The following PCDHA11 variants were observed in gnomAD, a reference collection of about 807,000 sequenced individuals.
The protein encoded by PCDHA11 is protocadherin alpha 11, also known as protocadherin alpha-11.
In PCDHA11, 61 loss-of-function variants were observed where a neutral mutation model predicts 70.3. That is an observed-to-expected ratio of 0.87 (90% CI 0.71 to 1.07). PCDHA11 has a LOEUF of 1.07. PCDHA11 is among the 50% of genes least tolerant of loss of function. The pLI is 0.00. For missense variants in PCDHA11, 1,324 were observed against 1,237.5 expected (o/e 1.07, Z -1.05); for synonymous variants, 633 against 555.1 (o/e 1.14, Z -1.97).
intron 3 of PCDHA11, among the ~76,000 whole-genome samples, chr5:141,004,872 C>T (rs1242067093): frequency 6.6e-6 from 1 of 152,042 alleles, no homozygotes; most frequent in Non-Finnish European, 1.5e-5. Context: ...GTTTCTCATC[C>T]CTAAAGTGCT....
intron 1 of PCDHA11, chr5:140,882,849 T>A: frequency 1.2e-6 from 2 of 1,614,242 alleles, no homozygotes; most frequent in Non-Finnish European, 1.7e-6. Flanking sequence ...TCATTATCAC[T>A]TGTACTGAGG....
intron 1 of PCDHA11, among the ~76,000 whole-genome samples, chr5:140,971,015 G>C (rs1425390222): frequency 6.6e-6 from 1 of 152,228 alleles, no homozygotes; most frequent in Non-Finnish European, 1.5e-5. Flanking sequence ...GAAGTCTTTA[G>C]ATCGTAGCAT....
At chr5:140,961,193 G>C (rs1297758288) in intron 1 of PCDHA11, among the ~76,000 whole-genome samples, 1 of 152,124 alleles carries the variant, frequency 6.6e-6, no homozygotes, top group Non-Finnish European at 1.5e-5. Context: ...CAGGACCCTA[G>C]TGAGGTTGGT....
chr5:140,967,520 G>A, intron 1 of PCDHA11: 1 of 1,612,918 alleles, frequency 6.2e-7, no homozygotes, highest in East Asian at 2.2e-5. Context: ...GGACACTAAC[G>A]ACAACTCTCC....
At chr5:140,988,267 C>T (rs1204961254) in intron 3 of PCDHA11, among the ~76,000 whole-genome samples, 1 of 152,146 alleles carries the variant, frequency 6.6e-6, no homozygotes, top group Non-Finnish European at 1.5e-5. Flanking sequence ...GAGTATCCTT[C>T]GCTGTCACCT....
At chr5:140,873,791 G>A (rs1330097708) in intron 1 of PCDHA11, among the ~76,000 whole-genome samples, 1 of 152,152 alleles carries the variant, frequency 6.6e-6, no homozygotes, top group Non-Finnish European at 1.5e-5. Flanking sequence ...TTTCCGAGAA[G>A]CTGGGACTAC....
At chr5:140,921,366 A>C (rs1415562044) in intron 1 of PCDHA11, among the ~76,000 whole-genome samples, 1 of 152,140 alleles carries the variant, frequency 6.6e-6, no homozygotes, top group African/African-American at 2.4e-5. Flanking sequence ...TTCAAGTTTC[A>C]TATTTCTACA....
chr5:140,992,576 G>T (rs992150186), intron 3 of PCDHA11, among the ~76,000 whole-genome samples: 4 of 152,172 alleles, frequency 2.6e-5, no homozygotes, highest in Admixed American at 2.0e-4. Flanking sequence ...CATATTGCCT[G>T]CCTTGTATGC....
At chr5:140,928,506 A>G (rs1554205940) in intron 1 of PCDHA11, 4 of 1,614,090 alleles carry the variant, frequency 2.5e-6, no homozygotes, top group African/African-American at 1.3e-5. Context: ...GAAGTGCAAC[A>G]GTGACTATAA....
At chr5:141,002,333 G>A (rs782123745) in intron 3 of PCDHA11, among the ~76,000 whole-genome samples, 15 of 152,314 alleles carry the variant, frequency 9.8e-5, no homozygotes, top group Non-Finnish European at 1.8e-4. Flanking sequence ...GGCTGCATCC[G>A]CACCCCTTCC....
chr5:140,944,334 C>T (rs547924304), intron 1 of PCDHA11, among the ~76,000 whole-genome samples: 131 of 152,138 alleles, frequency 8.6e-4, no homozygotes, highest in African/African-American at 3.0e-3. Flanking sequence ...ATTACAAGCA[C>T]GTGCCACCAC....
chr5:140,889,067 C>T (rs1169049844), intron 1 of PCDHA11, among the ~76,000 whole-genome samples: 1 of 151,942 alleles, frequency 6.6e-6, no homozygotes, highest in Admixed American at 6.6e-5. Flanking sequence ...TAATATACTA[C>T]TTATTTTGTT....
At chr5:140,950,882 G>C (rs1182849126) in intron 1 of PCDHA11, among the ~76,000 whole-genome samples, 1 of 151,764 alleles carries the variant, frequency 6.6e-6, no homozygotes, top group Non-Finnish European at 1.5e-5. Flanking sequence ...TTGTTCAATA[G>C]GTCTCTGAGA....
intron 1 of PCDHA11, among the ~76,000 whole-genome samples, chr5:140,946,338 A>T (rs1042874038): frequency 6.6e-6 from 1 of 151,824 alleles, no homozygotes; most frequent in Non-Finnish European, 1.5e-5. Flanking sequence ...ATAACAAGTG[A>T]TGGAGAGGAT....
At chr5:140,933,630 C>T (rs2089281438) in intron 1 of PCDHA11, among the ~76,000 whole-genome samples, 1 of 151,952 alleles carries the variant, frequency 6.6e-6, no homozygotes, top group Admixed American at 6.6e-5. Flanking sequence ...TAGGCTGGCC[C>T]TGTTAAACAA....
chr5:141,002,335 ACC>A (rs1554258611), intron 3 of PCDHA11, among the ~76,000 whole-genome samples: 81 of 152,230 alleles, frequency 5.3e-4, no homozygotes, highest in African/African-American at 2.0e-3. Flanking sequence ...CTGCATCCGC[ACC>A]CCTTCCCCCA....
chr5:140,962,339 G>A (rs1454430913), intron 1 of PCDHA11, among the ~76,000 whole-genome samples: 1 of 152,152 alleles, frequency 6.6e-6, no homozygotes, highest in Non-Finnish European at 1.5e-5. Flanking sequence ...TGATAAAGAA[G>A]TAAAACTCCC....
At chr5:140,880,198 G>C (rs1360437780) in intron 1 of PCDHA11, among the ~76,000 whole-genome samples, 1 of 152,164 alleles carries the variant, frequency 6.6e-6, no homozygotes, top group Non-Finnish European at 1.5e-5. Flanking sequence ...ATAAACAGAA[G>C]AGGTTTTCCA....
chr5:141,002,019 T>G (rs1420727822), intron 3 of PCDHA11, among the ~76,000 whole-genome samples: 4 of 152,176 alleles, frequency 2.6e-5, no homozygotes, highest in Admixed American at 6.5e-5. Flanking sequence ...CTGCACAGCC[T>G]TCGGTGCCCT....
Sources: gnomAD v4.1 joint callset for allele counts (sites outside exome capture counted in the v4.1 genomes callset) on GRCh38, gnomAD v4.1.1 for gene constraint, MANE v1.5 for transcripts, NCBI Gene and HGNC (gene_info 2026-07-23, HGNC 2026-07-21) for gene names.